The following TBL1XR1 variants were observed in gnomAD, a reference collection of about 807,000 sequenced individuals.
TBL1XR1 encodes F-box-like/WD repeat-containing protein TBL1XR1.
A neutral mutation model predicts 66.9 loss-of-function variants in TBL1XR1; 5 were observed. That is an observed-to-expected ratio of 0.07 (90% CI 0.04 to 0.16). TBL1XR1 has a LOEUF of 0.16. Ranked by LOEUF, TBL1XR1 falls within the 10% of genes least tolerant of loss-of-function variation. TBL1XR1 has a pLI of 1.00. For missense variants in TBL1XR1, 238 were observed against 623.2 expected, an observed-to-expected ratio of 0.38 and a Z score of 6.58; for synonymous variants, 210 against 206.0, an observed-to-expected ratio of 1.02 and a Z score of -0.17.
chr3:177,067,040 T>A (rs1013316986), intron 2 of TBL1XR1, among the ~76,000 whole-genome samples: 23 of 152,308 alleles, frequency 1.5e-4, no homozygotes, highest in Middle Eastern at 3.4e-3. Context: ...TGTACTATAG[T>A]ACACTAGATG....
At chr3:177,103,712 T>C (rs1228225781) in intron 1 of TBL1XR1, among the ~76,000 whole-genome samples, 22 of 152,192 alleles carry the variant, frequency 1.4e-4, no homozygotes, top group Admixed American at 1.4e-3. Flanking sequence ...AAAAACTTAT[T>C]ATTTAAGGTA....
intron 2 of TBL1XR1, among the ~76,000 whole-genome samples, chr3:177,095,952 T>C (rs1723426873): frequency 6.6e-6 from 1 of 152,222 alleles, no homozygotes; most frequent in Non-Finnish European, 1.5e-5. Context: ...GATCATTTTA[T>C]ATTTATACAA....
chr3:177,144,475 C>T (rs1307593368), intron 1 of TBL1XR1, among the ~76,000 whole-genome samples: 4 of 152,116 alleles, frequency 2.6e-5, no homozygotes, highest in Non-Finnish European at 5.9e-5. Context: ...ATAACCTGGC[C>T]GGGCGCGGTG....
At chr3:177,075,233 G>A (rs1323616765) in intron 2 of TBL1XR1, among the ~76,000 whole-genome samples, 1 of 152,188 alleles carries the variant, frequency 6.6e-6, no homozygotes, top group Non-Finnish European at 1.5e-5. Flanking sequence ...GGCAAAATTA[G>A]TCTCTGCCTC....
chr3:177,167,781 A>T (rs1468772277), intron 1 of TBL1XR1, among the ~76,000 whole-genome samples: 2 of 152,120 alleles, frequency 1.3e-5, no homozygotes, highest in Admixed American at 6.6e-5. Context: ...AAATACAAAA[A>T]TTAGCCAGGC....
chr3:177,135,150 C>G (rs1366773892), intron 1 of TBL1XR1, among the ~76,000 whole-genome samples: 1 of 150,990 alleles, frequency 6.6e-6, no homozygotes, highest in Non-Finnish European at 1.5e-5. Flanking sequence ...TACAGGTGCA[C>G]ACCACCACGT....
In TBL1XR1 at chr3:177,118,175, C is replaced by T. The variant is rs142547895; in HGVS notation, c.-121-19634G>A. On this transcript the variant is annotated intron_variant, in intron 1 of 15. Coordinates refer to ENST00000457928, the MANE Select transcript of TBL1XR1 (RefSeq NM_024665.7). ...TCTAAGAAACTAGTTCTATTCCATG[C>T]GAATATAGAAGTTCCAGATCCCAGA... 2.3e-3 allele frequency among the ~76,000 whole-genome samples: 355 copies of T among 152,276 alleles called. 1 individual carries two copies. The highest frequency in any genetic ancestry group is 7.9e-3 in the African/African-American group (330 of 41,566).
intron 1 of TBL1XR1, among the ~76,000 whole-genome samples, chr3:177,162,271 G>A (rs376800406): frequency 5.9e-5 from 9 of 152,244 alleles, no homozygotes; most frequent in African/African-American, 2.2e-4. Flanking sequence ...AATAAATGAT[G>A]AAGCACAGAT....
chr3:177,186,032 T>A (rs944130408), intron 1 of TBL1XR1, among the ~76,000 whole-genome samples: 1 of 151,826 alleles, frequency 6.6e-6, no homozygotes. Flanking sequence ...TAAATAAATA[T>A]AAGTAAATAA....
At chr3:177,032,845 T>C (rs1714199577) in intron 14 of TBL1XR1, 126 bp downstream of exon 14, 1 of 775,648 alleles carries the variant, frequency 1.3e-6, no homozygotes, top group African/African-American at 1.8e-5. Context: ...TTCTATCTTA[T>C]TTTAAAACCA....
At chr3:177,040,569 G>A (rs1255048370) in intron 10 of TBL1XR1, among the ~76,000 whole-genome samples, 2 of 151,928 alleles carry the variant, frequency 1.3e-5, no homozygotes, top group African/African-American at 4.8e-5. Context: ...GAAGTAAAAA[G>A]AATGGGAAAA....
At chr3:177,092,003 T>C (rs563103667) in intron 2 of TBL1XR1, among the ~76,000 whole-genome samples, 7 of 152,144 alleles carry the variant, frequency 4.6e-5, no homozygotes, top group African/African-American at 1.4e-4. Flanking sequence ...AAAACAAACA[T>C]TGGGTGCTTC....
chr3:177,105,764 TC>T (rs1310894431), intron 1 of TBL1XR1, among the ~76,000 whole-genome samples: 4 of 151,316 alleles, frequency 2.6e-5, no homozygotes, highest in African/African-American at 9.7e-5. Flanking sequence ...TTTAAAATCC[TC>T]CCCACCCACC....
At chr3:177,047,699 A>G (rs1577018869) in intron 7 of TBL1XR1, 150 bp from the exon 8 acceptor site, 2 of 762,836 alleles carry the variant, frequency 2.6e-6, no homozygotes, top group Middle Eastern at 7.8e-4. Flanking sequence ...TGTGAGTGCC[A>G]CTAAAGGCCT....
intron 3 of TBL1XR1, among the ~76,000 whole-genome samples, chr3:177,059,366 G>C (rs1351405980): frequency 1.3e-5 from 2 of 152,160 alleles, no homozygotes; most frequent in African/African-American, 4.8e-5. Flanking sequence ...ACAAAAAAAT[G>C]AATGAATGAG....
At chr3:177,135,174 G>T (rs1423906047) in intron 1 of TBL1XR1, among the ~76,000 whole-genome samples, 3 of 150,430 alleles carry the variant, frequency 2.0e-5, no homozygotes, top group Non-Finnish European at 4.4e-5. Context: ...ACTAATTTTT[G>T]TATTTTTAGT....
chr3:177,046,105 T>C (rs766628632), intron 10 of TBL1XR1, 24 bp downstream of exon 10: 317 of 1,514,664 alleles, frequency 2.1e-4, no homozygotes, highest in Admixed American at 2.4e-4. Flanking sequence ...GCTCCAGCTT[T>C]CACGTAAATT....
chr3:177,063,790 C>G (rs1034343283), intron 3 of TBL1XR1, among the ~76,000 whole-genome samples: 1 of 152,178 alleles, frequency 6.6e-6, no homozygotes, highest in Non-Finnish European at 1.5e-5. Context: ...GGATACTAAT[C>G]TCTCTTTCCC....
At chr3:177,180,724 C>A (rs1734720748) in intron 1 of TBL1XR1, among the ~76,000 whole-genome samples, 1 of 151,550 alleles carries the variant, frequency 6.6e-6, no homozygotes, top group Non-Finnish European at 1.5e-5. Flanking sequence ...ATACCAAGAT[C>A]TCAGATTACC....
Sources: allele counts gnomAD v4.1 joint callset (sites outside exome capture counted in the v4.1 genomes callset), GRCh38; gene constraint gnomAD v4.1.1; transcripts MANE v1.5; gene names NCBI Gene and HGNC (gene_info 2026-07-23, HGNC 2026-07-21).